The following ABCC9 variants were observed in gnomAD, a reference collection of about 807,000 sequenced individuals.
ABCC9 encodes the protein ATP binding cassette subfamily C member 9, also known as ATP-binding cassette sub-family C member 9.
A neutral mutation model predicts 188.3 loss-of-function variants in ABCC9; 95 were observed. The observed-to-expected ratio is 0.50, with a 90% CI of 0.43 to 0.60. ABCC9 has a LOEUF of 0.60. Ranked by LOEUF, ABCC9 falls within the 20% of genes least tolerant of loss-of-function variation. The pLI, the probability that ABCC9 is intolerant of heterozygous loss-of-function variation, is 0.00. For missense variants in ABCC9, 1,102 were observed against 1,876.3 expected (o/e 0.59, Z 7.62); for synonymous variants, 659 against 652.7 (o/e 1.01, Z -0.15).
intron 37 of ABCC9, among the ~76,000 whole-genome samples, chr12:21,809,163 CA>C (rs113401211): frequency 0.019 from 2,953 of 152,140 alleles, 89 homozygotes; most frequent in African/African-American, 0.067. Context: ...AAAAATTATA[CA>C]TGTTCCTTTT....
intron 18 of ABCC9, 84 bp downstream of exon 18, chr12:21,872,541 G>T (rs767198959): frequency 1.5e-5 from 16 of 1,095,330 alleles, no homozygotes; most frequent in Non-Finnish European, 2.1e-5. Flanking sequence ...GTCAGAACAT[G>T]TAAATGTATT....
chr12:21,912,999 C>T lies in ABCC9; in HGVS notation c.884G>A (p.Arg295Gln), dbSNP rs763074253. ...GAATGTGCTACTAAGTAGAATTGGT[C>T]GCCCAAAAGCTCTGTACATTGCAAG... Reference protein sequence around the residue: ...IWLAMYRAFGRPILLSSTFRY... With the variant: ...IWLAMYRAFGQPILLSSTFRY... Residue 295 changes from arginine to glutamine, a missense_variant, in exon 8 of 40, where the codon CGA becomes CAA. By Grantham distance (43) the Arg-to-Gln change is conservative. Around this residue, in one of 12 missense-constraint regions of ABCC9, gnomAD observed 305 missense variants for 573.0 expected, o/e 0.53. Coordinates refer to ENST00000261200, the MANE Select transcript of ABCC9 (RefSeq NM_020297.4). The T allele has an allele frequency of 4.3e-6, 7 of 1,612,682 alleles. No homozygotes were observed. Among genetic ancestry groups the T allele is most frequent in the South Asian group, 2.2e-5 (2 of 90,990 alleles).
intron 18 of ABCC9, among the ~76,000 whole-genome samples, chr12:21,865,302 G>T (rs938350269): frequency 6.6e-6 from 1 of 152,026 alleles, no homozygotes; most frequent in African/African-American, 2.4e-5. Flanking sequence ...ATGATATTTG[G>T]TTTAGAGTTA....
intron 5 of ABCC9, among the ~76,000 whole-genome samples, chr12:21,920,157 C>G (rs1001330286): frequency 6.6e-6 from 1 of 151,878 alleles, no homozygotes; most frequent in Admixed American, 6.6e-5. Context: ...AAAGACTGAC[C>G]ATTTTCCCCT....
chr12:21,917,684 G>A (rs1187344396), intron 5 of ABCC9, among the ~76,000 whole-genome samples: 1 of 152,122 alleles, frequency 6.6e-6, no homozygotes, highest in Non-Finnish European at 1.5e-5. Flanking sequence ...TGGTCTTATA[G>A]AGCGAACTGA....
At chr12:21,815,673 G>T (rs1942563609) in intron 34 of ABCC9, 90 bp downstream of exon 34, 4 of 1,504,618 alleles carry the variant, frequency 2.7e-6, no homozygotes, top group Non-Finnish European at 1.8e-6. Flanking sequence ...TACTTACTTG[G>T]CTGGGAAGTA....
At chr12:21,832,087 T>C (rs1404225490) in intron 30 of ABCC9, among the ~76,000 whole-genome samples, 1 of 152,210 alleles carries the variant, frequency 6.6e-6, no homozygotes, top group African/African-American at 2.4e-5. Context: ...GTTTTCCTAA[T>C]GGAAACTTTG....
chr12:21,877,090 C>T (rs1010567734), intron 16 of ABCC9, among the ~76,000 whole-genome samples: 2 of 152,146 alleles, frequency 1.3e-5, no homozygotes, highest in African/African-American at 4.8e-5. Flanking sequence ...TGATCATCCT[C>T]ACTCTGTTTG....
At chr12:21,934,072 T>G in intron 3 of ABCC9, 149 bp from the exon 4 acceptor site, 1 of 724,376 alleles carries the variant, frequency 1.4e-6, no homozygotes, top group South Asian at 1.9e-5. Context: ...GAAATCCTAG[T>G]CTATTTTCAT....
intron 38 of ABCC9, 33 bp downstream of exon 38, chr12:21,807,313 C>A (rs372274531): frequency 6.2e-7 from 1 of 1,613,184 alleles, no homozygotes; most frequent in East Asian, 2.2e-5. Flanking sequence ...TTCTCCAATT[C>A]GTCAATTTTA....
At chr12:21,870,261 GTT>G (rs893308840) in intron 18 of ABCC9, among the ~76,000 whole-genome samples, 7 of 145,710 alleles carry the variant, frequency 4.8e-5, no homozygotes, top group Non-Finnish European at 1.1e-4. Flanking sequence ...TTAGTTTTTT[GTT>G]TTTTTTTTTA....
At chr12:21,924,015 C>G in intron 5 of ABCC9, 2 of 467,506 alleles carry the variant, frequency 4.3e-6, no homozygotes, top group Non-Finnish European at 7.5e-6. Context: ...AAAGTCTATA[C>G]TGTGTCATTC....
At chr12:21,921,442 G>A (rs1032649476) in intron 5 of ABCC9, among the ~76,000 whole-genome samples, 2 of 151,910 alleles carry the variant, frequency 1.3e-5, no homozygotes, top group Non-Finnish European at 2.9e-5. Flanking sequence ...CTATAGAGTT[G>A]TTTGAGCTCC....
chr12:21,860,369 C>T (rs1017920637), intron 21 of ABCC9, among the ~76,000 whole-genome samples: 2 of 152,218 alleles, frequency 1.3e-5, no homozygotes, highest in African/African-American at 2.4e-5. Flanking sequence ...TCCTTAACCT[C>T]TCTCAGCCTT....
At chr12:21,924,017 G>C (rs1328939836) in intron 5 of ABCC9, 6 of 465,470 alleles carry the variant, frequency 1.3e-5, no homozygotes, top group Non-Finnish European at 1.9e-5. Flanking sequence ...AGTCTATACT[G>C]TGTCATTCAA....
intron 34 of ABCC9, among the ~76,000 whole-genome samples, chr12:21,815,047 G>T (rs544993673): frequency 1.9e-4 from 29 of 152,194 alleles, no homozygotes; most frequent in Admixed American, 1.9e-3. Context: ...GCTGGATGTG[G>T]TGGTGTGTGC....
At chr12:21,908,016 T>A in intron 11 of ABCC9, 61 bp downstream of exon 11, 1 of 1,529,152 alleles carries the variant, frequency 6.5e-7, no homozygotes, top group East Asian at 2.4e-5. Flanking sequence ...ATTTCCTATA[T>A]TATAAAATTA....
At chr12:21,827,771 A>G (rs1191435944) in intron 31 of ABCC9, among the ~76,000 whole-genome samples, 1 of 152,208 alleles carries the variant, frequency 6.6e-6, no homozygotes, top group Non-Finnish European at 1.5e-5. Flanking sequence ...ATCAGCAACC[A>G]GTACTTCTGT....
intron 36 of ABCC9, among the ~76,000 whole-genome samples, chr12:21,810,943 G>A (rs1942191656): frequency 6.6e-6 from 1 of 152,074 alleles, no homozygotes; most frequent in African/African-American, 2.4e-5. Flanking sequence ...TGGAGGTTAG[G>A]AGCAAAATAG....
Sources: gnomAD v4.1 joint callset for allele counts (sites outside exome capture counted in the v4.1 genomes callset) on GRCh38, gnomAD v4.1.1 for gene constraint, gnomAD v4.1.1 regional missense constraint, MANE v1.5 for transcripts, NCBI Gene and HGNC (gene_info 2026-07-23, HGNC 2026-07-21) for gene names.